PDE7B: variants seen among roughly 807,000 people sequenced by gnomAD.
The protein encoded by PDE7B is phosphodiesterase 7B.
PDE7B carries 29 observed loss-of-function variants against 56.2 expected under a neutral mutation model. The observed-to-expected ratio is 0.52, with a 90% confidence interval of 0.38 to 0.70. The LOEUF (loss-of-function observed/expected upper bound fraction) is 0.70, where lower values mean the gene tolerates loss of function less well. PDE7B is among the 30% of genes least tolerant of loss of function. The pLI, the probability that PDE7B is intolerant of heterozygous loss-of-function variation, is 0.00. For missense variants in PDE7B, 490 were observed against 565.0 expected, an observed-to-expected ratio of 0.87 and a Z score of 1.35; for synonymous variants, 197 against 196.9, an observed-to-expected ratio of 1.00 and a Z score of 0.00.
At chr6:135,952,322 T>G (rs960593011) in intron 2 of PDE7B, among the ~76,000 whole-genome samples, 2 of 152,136 alleles carry the variant, frequency 1.3e-5, no homozygotes, top group South Asian at 2.1e-4. Context: ...CTAAAACATA[T>G]GAATATAAGG....
In PDE7B at chr6:136,173,716, C is replaced by T. The variant is rs952213149; in HGVS notation, c.712-81C>T. On this transcript the variant is annotated intron_variant, in intron 8 of 12. Coordinates refer to ENST00000308191, the MANE Select transcript of PDE7B (RefSeq NM_018945.4). ...GTACAAACTGGAGGGAAAATGCTAG[C>T]GTCCGTGGAGCTGTGTTCAGCATGA... 7.1e-4 allele frequency: 650 copies of T among 916,240 alleles called. 1 individual carries two copies. Among genetic ancestry groups the T allele is most frequent in the Non-Finnish European group, 1.1e-3 (596 of 566,484 alleles). 56.8% of individuals were successfully genotyped at this position (916,240 alleles called of 1,614,324 possible). A position where few individuals can be genotyped will look rare whatever the true frequency, so the allele number is the denominator to read the frequency against.
At chr6:135,874,982 C>G (rs1775463353) in intron 1 of PDE7B, among the ~76,000 whole-genome samples, 2 of 151,936 alleles carry the variant, frequency 1.3e-5, no homozygotes, top group African/African-American at 4.8e-5. Flanking sequence ...TTTATTTCTG[C>G]TAAGAAGTCT....
chr6:136,147,325 TTTCTTGACTTGATGACTTTCCACAGG>T lies in PDE7B; in HGVS notation c.167-24_168del. ...ATTGGCTCTCTTTTAAATATATAAA[TTTCTTGACTTGATGACTTTCCACAGG>T]TACAACATACTCAGGGGAGATTGGC... On this transcript the variant is annotated splice_acceptor_variant and splice_polypyrimidine_tract_variant and coding_sequence_variant and intron_variant, in exon 4 of 13. Coordinates refer to ENST00000308191, the MANE Select transcript of PDE7B (RefSeq NM_018945.4). LOFTEE classifies it high-confidence loss of function. The T allele has an allele frequency of 6.4e-7, 1 of 1,558,898 alleles. No individual in the cohort carries two copies. The highest frequency in any genetic ancestry group is 8.8e-7 in the Non-Finnish European group (1 of 1,140,046).
intron 2 of PDE7B, among the ~76,000 whole-genome samples, chr6:135,988,453 T>C (rs866359225): frequency 6.6e-6 from 1 of 152,202 alleles, no homozygotes; most frequent in African/African-American, 2.4e-5. Context: ...AATTTGAAAC[T>C]AGATTTCTCC....
At chr6:135,935,208 A>T (rs1320333175) in intron 1 of PDE7B, among the ~76,000 whole-genome samples, 23 of 86,944 alleles carry the variant, frequency 2.6e-4, no homozygotes, top group African/African-American at 4.8e-4. Flanking sequence ...ATATATATAT[A>T]TATATATATT....
chr6:136,093,719 C>G (rs1345958074), intron 2 of PDE7B, among the ~76,000 whole-genome samples: 1 of 152,162 alleles, frequency 6.6e-6, no homozygotes, highest in East Asian at 1.9e-4. Flanking sequence ...GGCACAGTAA[C>G]AGGACTTGCC....
chr6:135,906,826 T>TG (rs1562434134), intron 1 of PDE7B, among the ~76,000 whole-genome samples: 3 of 147,106 alleles, frequency 2.0e-5, no homozygotes, highest in African/African-American at 7.5e-5. Context: ...TTTTTTTTTT[T>TG]TTTTTTTTTT....
chr6:136,078,110 TC>T (rs1217403014), intron 2 of PDE7B, among the ~76,000 whole-genome samples: 2 of 152,198 alleles, frequency 1.3e-5, no homozygotes, highest in Non-Finnish European at 2.9e-5. Flanking sequence ...GAGGCTGACA[TC>T]TTAGCACTGA....
intron 1 of PDE7B, among the ~76,000 whole-genome samples, chr6:135,882,016 C>A (rs1775620129): frequency 6.6e-6 from 1 of 152,098 alleles, no homozygotes; most frequent in Non-Finnish European, 1.5e-5. Flanking sequence ...AGGTGAAATT[C>A]TTTTGCCATA....
intron 2 of PDE7B, among the ~76,000 whole-genome samples, chr6:135,948,225 T>C (rs1774625001): frequency 6.6e-6 from 1 of 152,038 alleles, no homozygotes; most frequent in East Asian, 1.9e-4. Flanking sequence ...ATTTTAGGTC[T>C]AGTGTTTAGA....
At chr6:136,035,458 C>T (rs566367003) in intron 2 of PDE7B, among the ~76,000 whole-genome samples, 7 of 152,300 alleles carry the variant, frequency 4.6e-5, no homozygotes, top group Admixed American at 2.0e-4. Context: ...CAAAAATTTC[C>T]GAGCCAAGCT....
At chr6:136,047,976 AGTTT>A (rs1294057273) in intron 2 of PDE7B, among the ~76,000 whole-genome samples, 3 of 152,206 alleles carry the variant, frequency 2.0e-5, no homozygotes, top group Admixed American at 1.3e-4. Context: ...TATTCAACTA[AGTTT>A]GTTTGGTGCC....
At chr6:136,139,559 T>C (rs1032400270) in intron 3 of PDE7B, among the ~76,000 whole-genome samples, 2 of 152,172 alleles carry the variant, frequency 1.3e-5, no homozygotes, top group African/African-American at 4.8e-5. Flanking sequence ...ACTTCCACAA[T>C]GGTTGAACTA....
intron 1 of PDE7B, among the ~76,000 whole-genome samples, chr6:135,904,697 T>G (rs751774735): frequency 3.9e-5 from 6 of 152,184 alleles, no homozygotes; most frequent in Non-Finnish European, 7.4e-5. Context: ...AGTCATAGCA[T>G]CGACAAAATT....
intron 2 of PDE7B, among the ~76,000 whole-genome samples, chr6:136,042,038 C>G (rs1344936393): frequency 2.0e-5 from 3 of 152,122 alleles, no homozygotes; most frequent in African/African-American, 7.2e-5. Context: ...TGATATAAAC[C>G]TTGGTCAAAC....
At chr6:136,034,541 A>G (rs1004961870) in intron 2 of PDE7B, 1 of 152,184 alleles carries the variant, frequency 6.6e-6, no homozygotes, top group African/African-American at 2.4e-5. Flanking sequence ...GGCAGCTTGT[A>G]ATAGTTTCCA....
At chr6:136,185,732 T>G (rs193247664) in intron 11 of PDE7B, among the ~76,000 whole-genome samples, 1 of 152,118 alleles carries the variant, frequency 6.6e-6, no homozygotes. Flanking sequence ...ACCACTGCAC[T>G]CTAGCCTGGG....
At chr6:136,147,275 C>T in intron 3 of PDE7B, 76 bp from the exon 4 acceptor site, 2 of 871,086 alleles carry the variant, frequency 2.3e-6, no homozygotes, top group Non-Finnish European at 1.8e-6. Flanking sequence ...TCTTTTAATG[C>T]ATTTATTTTT....
intron 1 of PDE7B, among the ~76,000 whole-genome samples, chr6:135,881,492 G>C (rs186497414): frequency 1.2e-3 from 188 of 152,224 alleles, no homozygotes; most frequent in African/African-American, 4.5e-3. Flanking sequence ...TGGTGACAGA[G>C]CAAGACTCTG....
Sources: gnomAD v4.1 joint callset for allele counts (sites outside exome capture counted in the v4.1 genomes callset) on GRCh38, gnomAD v4.1.1 for gene constraint, MANE v1.5 for transcripts, NCBI Gene and HGNC (gene_info 2026-07-23, HGNC 2026-07-21) for gene names.